MAEL: variants seen among roughly 807,000 people sequenced by gnomAD.
MAEL encodes the protein maelstrom spermatogenic transposon silencer.
In MAEL, 46 loss-of-function variants were observed where a neutral mutation model predicts 62.0. The ratio of observed to expected loss-of-function variants is 0.74; its 90% confidence interval spans 0.59 to 0.95. MAEL has a LOEUF of 0.95. Among genes scored for constraint, MAEL ranks in the 40% least tolerant of loss-of-function variants. The pLI, the probability that MAEL is intolerant of heterozygous loss-of-function variation, is 0.00. For synonymous variants in MAEL, 172 were observed against 175.5 expected, an observed-to-expected ratio of 0.98 and a Z score of 0.16; for missense variants, 497 against 526.8, an observed-to-expected ratio of 0.94 and a Z score of 0.55.
At position 167,021,071 on chromosome 1, in the gene MAEL, C is replaced by T; in HGVS notation, c.1042-14C>T. On this transcript the variant is annotated splice_polypyrimidine_tract_variant and intron_variant, in intron 10 of 11. Transcript: ENST00000367872. ...TAAACATTTTTCCCCCTGGTATTTT[C>T]CTGTTACTTACAGAAGCTAAGGGTT... 1 of 1,587,768 alleles carries T rather than the reference C, an allele frequency of 6.3e-7. No homozygotes were observed. Among genetic ancestry groups the T allele is most frequent in the Non-Finnish European group, 8.6e-7 (1 of 1,157,038 alleles).
chr1:166,995,297 A>G (rs1237133369), intron 5 of MAEL, among the ~76,000 whole-genome samples: 3 of 151,698 alleles, frequency 2.0e-5, no homozygotes, highest in Non-Finnish European at 4.4e-5. Context: ...CTGGAGTGTA[A>G]TGGCACGATC....
intron 2 of MAEL, chr1:166,990,540 TC>T (rs1246247856): frequency 6.6e-6 from 1 of 152,020 alleles, no homozygotes; most frequent in Non-Finnish European, 1.5e-5. Context: ...ACGCCCGTGG[TC>T]CCAGCTACTC....
At chr1:167,010,746 C>T (rs1375060054) in intron 8 of MAEL, among the ~76,000 whole-genome samples, 1 of 152,126 alleles carries the variant, frequency 6.6e-6, no homozygotes. Flanking sequence ...TTATGCCTGG[C>T]TATTTTGTTC....
In MAEL at chr1:166,992,484, C is replaced by T. The variant is rs1274386857; in HGVS notation, c.326-202C>T. ...TCATGCAAAGAGTGGTTACTTTAATCCTTGATAATTGTAATTATAAGAATT... is the reference window on the plus strand; with the variant it reads ...TCATGCAAAGAGTGGTTACTTTAATTCTTGATAATTGTAATTATAAGAATT... On this transcript the variant is annotated intron_variant, in intron 3 of 11. Transcript: ENST00000367872. 2.0e-5 allele frequency among the ~76,000 whole-genome samples: 3 copies of T among 152,090 alleles called. No individual in the cohort carries two copies. In the South Asian group the frequency reaches 6.2e-4, roughly 32 times the overall value.
chr1:166,977,554 T>C (rs1275205369), intron 1 of MAEL, among the ~76,000 whole-genome samples: 1 of 152,166 alleles, frequency 6.6e-6, no homozygotes, highest in Admixed American at 6.5e-5. Flanking sequence ...CACCAGAAGA[T>C]TGAGATGATA....
chr1:167,020,594 C>T (rs772847419), intron 10 of MAEL, among the ~76,000 whole-genome samples: 2 of 152,138 alleles, frequency 1.3e-5, no homozygotes, highest in Non-Finnish European at 2.9e-5. Context: ...TCCTTTGCCT[C>T]CTACTTCTCT....
intron 8 of MAEL, among the ~76,000 whole-genome samples, chr1:167,007,835 A>C (rs796883711): frequency 2.0e-5 from 3 of 152,104 alleles, no homozygotes; most frequent in African/African-American, 7.2e-5. Flanking sequence ...ACAACTGTTT[A>C]GAGTTTGTTT....
chr1:167,007,913 T>C (rs1664998544), intron 8 of MAEL, among the ~76,000 whole-genome samples: 3 of 152,116 alleles, frequency 2.0e-5, no homozygotes, highest in Non-Finnish European at 4.4e-5. Context: ...GGTTCTTTTT[T>C]CCCCTTTCAG....
At chr1:167,021,400 TTTC>T (rs1025196528) in intron 11 of MAEL, among the ~76,000 whole-genome samples, 78 of 152,318 alleles carry the variant, frequency 5.1e-4, no homozygotes, top group African/African-American at 1.4e-3. Context: ...AAAACCTGTT[TTTC>T]TTGTAGCAGC....
intron 8 of MAEL, among the ~76,000 whole-genome samples, chr1:167,014,930 C>T (rs891478135): frequency 6.6e-6 from 1 of 152,064 alleles, no homozygotes; most frequent in African/African-American, 2.4e-5. Context: ...GGCTGAGGCA[C>T]GAGTTATCAT....
At position 167,005,357 on chromosome 1, in the gene MAEL, C is replaced by T. The variant is rs780733697; in HGVS notation, c.805C>T (p.Leu269Phe). 6.2e-7 allele frequency: 1 copy of T among 1,613,312 alleles called. No homozygotes were observed. The change falls in exon 8 of 12, where the codon CTC becomes TTC. Residue 269 changes from leucine (L) to phenylalanine (F), a missense_variant. Leu to Phe is a conservative substitution (Grantham distance 22). Coordinates refer to ENST00000367872, the MANE Select transcript of MAEL (RefSeq NM_032858.3). ...KEPSKTWIRS[L>F]LDVAMWDYSS... ...GCCCTCTAAGACTTGGATTCGAAGC[C>T]TCCTAGATGTGGCCATGTGGGATTA...
chr1:166,999,897 A>G (rs954422921), intron 5 of MAEL, among the ~76,000 whole-genome samples: 1 of 152,202 alleles, frequency 6.6e-6, no homozygotes, highest in Admixed American at 6.5e-5. Context: ...CAAAGCCTAG[A>G]AGACAGCACA....
At chr1:167,014,454 T>C (rs1048352921) in intron 8 of MAEL, among the ~76,000 whole-genome samples, 4 of 152,312 alleles carry the variant, frequency 2.6e-5, no homozygotes, top group Non-Finnish European at 5.9e-5. Context: ...CGATCATCCT[T>C]GGCCTCAGAA....
At position 166,991,482 on chromosome 1, in the gene MAEL, A is replaced by C. The variant is rs1241995194; in HGVS notation, c.325+5A>C. 1.3e-6 allele frequency: 2 copies of C among 1,565,764 alleles called. No individual in the cohort carries two copies. Among genetic ancestry groups the C allele is most frequent in the Non-Finnish European group, 1.8e-6 (2 of 1,136,620 alleles). On this transcript the variant is annotated splice_donor_5th_base_variant and intron_variant, in intron 3 of 11. Transcript: ENST00000367872. ...TGTCTTTAAAAGGTGATCAAGGTAG[A>C]GTAATCCTGAAATATTTTGCTGAGA... is the stretch of plus-strand genomic sequence containing the variant.
At chr1:166,995,685 A>T (rs1018673535) in intron 5 of MAEL, among the ~76,000 whole-genome samples, 11 of 151,898 alleles carry the variant, frequency 7.2e-5, no homozygotes, top group East Asian at 3.9e-4. Context: ...TTAAAAAAAA[A>T]AAATAAAAAA....
chr1:166,976,552 A>G (rs968276189), intron 1 of MAEL, among the ~76,000 whole-genome samples: 1 of 152,188 alleles, frequency 6.6e-6, no homozygotes, highest in Non-Finnish European at 1.5e-5. Context: ...GGGAGGGGGC[A>G]CCACGATAAA....
intron 9 of MAEL, 88 bp from the exon 10 acceptor site, chr1:167,017,739 C>T: frequency 1.5e-6 from 2 of 1,291,262 alleles, no homozygotes; most frequent in Non-Finnish European, 2.1e-6. Context: ...ACCTCAGATG[C>T]TTTCTTTTTG....
At chr1:167,003,332 CTA>C (rs1435108652) in intron 5 of MAEL, among the ~76,000 whole-genome samples, 1 of 152,166 alleles carries the variant, frequency 6.6e-6, no homozygotes, top group Non-Finnish European at 1.5e-5. Context: ...TAAAATCTGT[CTA>C]TTCAAAATCT....
chr1:166,983,973 A>ACC, intron 1 of MAEL, among the ~76,000 whole-genome samples: 1 of 147,526 alleles, frequency 6.8e-6, no homozygotes, highest in East Asian at 2.0e-4. Context: ...CTGCACTCGA[A>ACC]CCTGGTTGAC....
Sources: gnomAD v4.1 joint callset for allele counts (sites outside exome capture counted in the v4.1 genomes callset) on GRCh38, gnomAD v4.1.1 for gene constraint, MANE v1.5 for transcripts, NCBI Gene and HGNC (gene_info 2026-07-23, HGNC 2026-07-21) for gene names.